The following VPS13B variants were observed in gnomAD, a reference collection of about 807,000 sequenced individuals.
VPS13B encodes the protein intermembrane lipid transfer protein VPS13B.
In VPS13B, 285 loss-of-function variants were observed where a neutral mutation model predicts 426.4. That is an observed-to-expected ratio of 0.67 (90% CI 0.61 to 0.74). The LOEUF (loss-of-function observed/expected upper bound fraction) is 0.74. Ranked by LOEUF, VPS13B falls within the 30% of genes least tolerant of loss-of-function variation. The probability of loss-of-function intolerance (pLI) is 0.00; values close to 1 mark genes in which losing one functional copy is unlikely to be tolerated. For missense variants in VPS13B, 4,537 were observed against 4,782.6 expected, an observed-to-expected ratio of 0.95 and a Z score of 1.51; for synonymous variants, 1,676 against 1,676.4, an observed-to-expected ratio of 1.00 and a Z score of 0.01.
chr8:99,049,531 T>C (rs1843417113), intron 3 of VPS13B, among the ~76,000 whole-genome samples: 1 of 151,662 alleles, frequency 6.6e-6, no homozygotes. Flanking sequence ...AGAAATCAGC[T>C]GTTAATTCAA....
intron 21 of VPS13B, 105 bp from the exon 22 acceptor site, chr8:99,431,432 T>C: frequency 7.2e-7 from 1 of 1,394,546 alleles, no homozygotes; most frequent in Non-Finnish European, 9.9e-7. Context: ...ATATAAAAAT[T>C]ATAATTTTAA....
chr8:99,053,675 CT>C (rs1171107732), intron 3 of VPS13B, among the ~76,000 whole-genome samples: 1,692 of 132,110 alleles, frequency 0.013, 21 homozygotes, highest in African/African-American at 0.035. Flanking sequence ...TTTTTTTTTC[CT>C]TTTTTTTTTT....
At chr8:99,489,098 A>G (rs1054591388) in intron 25 of VPS13B, among the ~76,000 whole-genome samples, 1 of 152,192 alleles carries the variant, frequency 6.6e-6, no homozygotes. Context: ...AGCTTTCTAC[A>G]TATGGCTAGC....
chr8:99,457,030 CT>C (rs1241512227), intron 23 of VPS13B, among the ~76,000 whole-genome samples: 166 of 141,598 alleles, frequency 1.2e-3, no homozygotes, highest in South Asian at 2.0e-3. Flanking sequence ...TTGTATCTTT[CT>C]TTTTTTTTTT....
In VPS13B at chr8:99,234,153, G is replaced by A. The variant is rs1816511599; in HGVS notation, c.2516-40045G>A. On this transcript the variant is annotated intron_variant, in intron 17 of 61. Coordinates refer to ENST00000357162, the MANE Select transcript of VPS13B (RefSeq NM_152564.5). Reference sequence around the variant, plus strand: ...TGGGCTCGCTGAGGGGGTAAAGGGGGAGCTCACCTCTTCATCCAGGATGTA... The same window carrying A: ...TGGGCTCGCTGAGGGGGTAAAGGGGAAGCTCACCTCTTCATCCAGGATGTA... 4 of 782,250 alleles carry A rather than the reference G, an allele frequency of 5.1e-6. No homozygotes were observed. The East Asian group carries it at 9.7e-5, about 19-fold the overall frequency. The allele number at this position is 782,250 out of a possible 1,614,324, so 48.5% of individuals were successfully genotyped here.
chr8:99,682,444 CT>C, intron 35 of VPS13B, among the ~76,000 whole-genome samples: 1 of 152,100 alleles, frequency 6.6e-6, no homozygotes, highest in Non-Finnish European at 1.5e-5. Context: ...TGATACAAGT[CT>C]TTTGTCAGAT....
intron 19 of VPS13B, among the ~76,000 whole-genome samples, chr8:99,326,099 G>A (rs1810242619): frequency 6.6e-6 from 1 of 151,738 alleles, no homozygotes; most frequent in Non-Finnish European, 1.5e-5. Context: ...ATTTCTTATT[G>A]CATTTCCTTC....
intron 17 of VPS13B, among the ~76,000 whole-genome samples, chr8:99,266,142 A>C (rs1055501048): frequency 2.7e-4 from 41 of 152,136 alleles, no homozygotes; most frequent in Non-Finnish European, 2.4e-4. Flanking sequence ...AACACTAGAA[A>C]GTTGACACTG....
At chr8:99,244,673 A>T (rs1817115074) in intron 17 of VPS13B, among the ~76,000 whole-genome samples, 1 of 152,230 alleles carries the variant, frequency 6.6e-6, no homozygotes, top group Non-Finnish European at 1.5e-5. Context: ...ATTTTAGAAG[A>T]TAGTTCTATA....
intron 33 of VPS13B, among the ~76,000 whole-genome samples, chr8:99,607,861 A>G (rs1011097506): frequency 4.6e-5 from 7 of 152,106 alleles, no homozygotes; most frequent in African/African-American, 1.7e-4. Context: ...TAACAGTCAT[A>G]TTTCCAAATT....
intron 36 of VPS13B, among the ~76,000 whole-genome samples, chr8:99,714,721 A>G (rs1832843655): frequency 1.3e-5 from 2 of 152,200 alleles, no homozygotes; most frequent in African/African-American, 4.8e-5. Context: ...ATCACAAGAA[A>G]ACATCAGATA....
chr8:99,618,105 C>T (rs1374597737), intron 33 of VPS13B, among the ~76,000 whole-genome samples: 1 of 152,034 alleles, frequency 6.6e-6, no homozygotes, highest in Non-Finnish European at 1.5e-5. Flanking sequence ...CTCCAAACAA[C>T]TGGGAAGGGT....
chr8:99,644,572 G>A (rs952253540), intron 34 of VPS13B, among the ~76,000 whole-genome samples: 1 of 152,020 alleles, frequency 6.6e-6, no homozygotes, highest in Non-Finnish European at 1.5e-5. Flanking sequence ...ATATAGGGGT[G>A]GGGGGTAAAT....
At chr8:99,822,534 G>T (rs1052022338) in intron 50 of VPS13B, among the ~76,000 whole-genome samples, 4 of 152,210 alleles carry the variant, frequency 2.6e-5, no homozygotes, top group African/African-American at 9.6e-5. Context: ...TGGAAAAAAT[G>T]TTATAATATT....
chr8:99,325,869 C>A (rs1810231005), intron 19 of VPS13B, among the ~76,000 whole-genome samples: 1 of 152,118 alleles, frequency 6.6e-6, no homozygotes, highest in Non-Finnish European at 1.5e-5. Context: ...ATCATGCATT[C>A]CTTTTACGGC....
intron 39 of VPS13B, among the ~76,000 whole-genome samples, chr8:99,743,380 G>A (rs1809871938): frequency 6.6e-6 from 1 of 151,836 alleles, no homozygotes; most frequent in African/African-American, 2.4e-5. Context: ...TCAATATCGT[G>A]AAAATGGCCA....
chr8:99,249,369 C>T (rs915942979), intron 17 of VPS13B, among the ~76,000 whole-genome samples: 3 of 150,020 alleles, frequency 2.0e-5, no homozygotes, highest in East Asian at 3.9e-4. Context: ...CATGCATTTT[C>T]GTTTCTCTGG....
chr8:99,543,109 C>T (rs781264125), intron 30 of VPS13B, among the ~76,000 whole-genome samples: 10 of 152,136 alleles, frequency 6.6e-5, no homozygotes, highest in Admixed American at 2.0e-4. Flanking sequence ...GGTACCAAAA[C>T]AGAGATATAG....
At position 99,272,632 on chromosome 8, in the gene VPS13B, A is replaced by G. The variant is rs77949222; in HGVS notation, c.2516-1566A>G. Among the ~76,000 whole-genome samples, 56 of 152,256 alleles carry G rather than the reference A, an allele frequency of 3.7e-4. No homozygotes were observed. The East Asian group carries it at 0.011, about 29-fold the overall frequency. ...AATTCTCACCTACCCTTAAGGATCA[A>G]AATGAGGTTCTCCCTTTTGATTAAG... On this transcript the variant is annotated intron_variant, in intron 17 of 61. Transcript: ENST00000357162.
Sources: allele counts gnomAD v4.1 joint callset (sites outside exome capture counted in the v4.1 genomes callset), GRCh38; gene constraint gnomAD v4.1.1; transcripts MANE v1.5; gene names NCBI Gene and HGNC (gene_info 2026-07-23, HGNC 2026-07-21).